BTBD7: variants seen among roughly 807,000 people sequenced by gnomAD.
The protein encoded by BTBD7 is BTB/POZ domain-containing protein 7.
A neutral mutation model predicts 99.9 loss-of-function variants in BTBD7; 38 were observed. The observed-to-expected ratio is 0.38, with a 90% CI of 0.29 to 0.50. The LOEUF (loss-of-function observed/expected upper bound fraction) is 0.50, where lower values mean the gene tolerates loss of function less well. BTBD7 is among the 20% of genes least tolerant of loss of function. BTBD7 has a pLI of 0.93. For missense variants in BTBD7, 1,170 were observed against 1,394.6 expected, an observed-to-expected ratio of 0.84 and a Z score of 2.57; for synonymous variants, 520 against 511.4, an observed-to-expected ratio of 1.02 and a Z score of -0.23.
intron 10 of BTBD7, chr14:93,244,109 A>G (rs1229013897): frequency 1.0e-5 from 5 of 486,842 alleles, no homozygotes; most frequent in African/African-American, 2.0e-5. Flanking sequence ...GATTCTCTGT[A>G]TGCCCAGGGA....
chr14:93,259,363 C>T (rs1430181560), intron 5 of BTBD7, among the ~76,000 whole-genome samples: 1 of 152,170 alleles, frequency 6.6e-6, no homozygotes, highest in Non-Finnish European at 1.5e-5. Context: ...TTCAGTACTA[C>T]ACCTGGGGGC....
chr14:93,248,418 TACTGCCTGTCTGGTG>T, intron 9 of BTBD7, 43 bp downstream of exon 9: 1 of 1,563,506 alleles, frequency 6.4e-7, no homozygotes. Context: ...ATGCCCACAA[TACTGCCTGTCTGGTG>T]ACTGAGGCTC....
At chr14:93,253,101 C>A (rs1431173291) in intron 7 of BTBD7, among the ~76,000 whole-genome samples, 3 of 152,158 alleles carry the variant, frequency 2.0e-5, no homozygotes, top group African/African-American at 7.2e-5. Context: ...TTCATTTTCA[C>A]ATTACCGTAT....
chr14:93,251,948 A>G (rs2052372011), intron 7 of BTBD7, among the ~76,000 whole-genome samples: 1 of 152,222 alleles, frequency 6.6e-6, no homozygotes, highest in South Asian at 2.1e-4. Context: ...ACAATATTAT[A>G]ATAAAACAAT....
Position 93,295,865 on chromosome 14 carries a change from TTATAATA to T in BTBD7, c.82+98_82+104del, listed in dbSNP as rs2052919848. The T allele has an allele frequency of 9.8e-6, 10 of 1,025,192 alleles. No individual in the cohort carries two copies. The Admixed American group carries it at 2.1e-4, about 21-fold the overall frequency. 63.5% of individuals were successfully genotyped at this position (1,025,192 alleles called of 1,614,324 possible). A position where few individuals can be genotyped will look rare whatever the true frequency, so the allele number is the denominator to read the frequency against. On this transcript the variant is annotated intron_variant, in intron 2 of 10. Coordinates refer to ENST00000334746, the MANE Select transcript of BTBD7 (RefSeq NM_001002860.4). Reference sequence around the variant, plus strand: ...AAAAAACCTAGATGCTGCAGAATTATTATAATAACTACAGCTCACTTCTTTTGTCATC... The same window carrying T: ...AAAAAACCTAGATGCTGCAGAATTATACTACAGCTCACTTCTTTTGTCATC...
At chr14:93,251,817 T>G (rs2052370793) in intron 7 of BTBD7, among the ~76,000 whole-genome samples, 165 bp from the exon 8 acceptor site, 1 of 152,240 alleles carries the variant, frequency 6.6e-6, no homozygotes, top group African/African-American at 2.4e-5. Flanking sequence ...TCTTTAACTT[T>G]TAAAGACTCT....
intron 3 of BTBD7, among the ~76,000 whole-genome samples, chr14:93,267,852 T>C (rs1595298660): frequency 6.6e-6 from 1 of 152,250 alleles, no homozygotes; most frequent in Non-Finnish European, 1.5e-5. Flanking sequence ...CCCTGCATTA[T>C]TGAAATGGCT....
intron 4 of BTBD7, among the ~76,000 whole-genome samples, chr14:93,262,688 A>G (rs1272846298): frequency 6.6e-6 from 1 of 152,130 alleles, no homozygotes. Context: ...AAGGTATTCT[A>G]CTGGTTAGTG....
chr14:93,269,727 T>TA (rs2052581277), intron 3 of BTBD7, among the ~76,000 whole-genome samples: 3 of 152,366 alleles, frequency 2.0e-5, no homozygotes, highest in South Asian at 4.1e-4. Flanking sequence ...TGCTTGTTGT[T>TA]AATTTCTGTA....
At chr14:93,257,683 C>T (rs759524860) in intron 5 of BTBD7, among the ~76,000 whole-genome samples, 1 of 152,130 alleles carries the variant, frequency 6.6e-6, no homozygotes, top group Non-Finnish European at 1.5e-5. Flanking sequence ...TTTTAAAAAG[C>T]CTTCTCACTT....
chr14:93,253,627 C>T lies in BTBD7; in HGVS notation c.1752+20G>A, dbSNP rs780432246. Reference sequence around the variant, plus strand: ...GGTTTGTAATAAAGTAGTCTACTATCTTCAAATGGTTTTCATTACCTTTGC... The same window carrying T: ...GGTTTGTAATAAAGTAGTCTACTATTTTCAAATGGTTTTCATTACCTTTGC... On this transcript the variant is annotated intron_variant, in intron 7 of 10. Coordinates refer to ENST00000334746, the MANE Select transcript of BTBD7 (RefSeq NM_001002860.4). The T allele has an allele frequency of 1.7e-5, 27 of 1,606,516 alleles. No homozygotes were observed. Among genetic ancestry groups the T allele is most frequent in the Non-Finnish European group, 2.0e-5 (24 of 1,174,780 alleles).
At chr14:93,323,585 T>C (rs182063295) in intron 1 of BTBD7, among the ~76,000 whole-genome samples, 537 of 152,356 alleles carry the variant, frequency 3.5e-3, no homozygotes, top group Middle Eastern at 6.8e-3. Context: ...AAGCATATTA[T>C]AGAATTTTTC....
At chr14:93,300,257 CTT>C (rs35598735) in intron 1 of BTBD7, among the ~76,000 whole-genome samples, 8 of 119,592 alleles carry the variant, frequency 6.7e-5, no homozygotes, top group African/African-American at 1.1e-4. Flanking sequence ...TTTCTTTGTT[CTT>C]TTTTTTTTTT....
At chr14:93,264,893 G>A in intron 3 of BTBD7, among the ~76,000 whole-genome samples, 1 of 152,156 alleles carries the variant, frequency 6.6e-6, no homozygotes, top group East Asian at 1.9e-4. Context: ...CTAAGGTCAG[G>A]AGTTAAGACC....
At chr14:93,322,719 A>G (rs1406431277) in intron 1 of BTBD7, among the ~76,000 whole-genome samples, 1 of 152,208 alleles carries the variant, frequency 6.6e-6, no homozygotes, top group Non-Finnish European at 1.5e-5. Context: ...TCAAAACAAG[A>G]AGGTTTTTCT....
chr14:93,300,137 G>A (rs1388841961), intron 1 of BTBD7, among the ~76,000 whole-genome samples: 1 of 152,096 alleles, frequency 6.6e-6, no homozygotes, highest in East Asian at 1.9e-4. Flanking sequence ...TAATCTCTAT[G>A]GGCCTCAGTT....
intron 1 of BTBD7, among the ~76,000 whole-genome samples, chr14:93,318,799 A>G (rs1391114956): frequency 6.6e-6 from 1 of 152,224 alleles, no homozygotes; most frequent in African/African-American, 2.4e-5. Flanking sequence ...TGTAAGAGCA[A>G]TGAATTAAAA....
At chr14:93,326,229 G>A (rs563716755) in intron 1 of BTBD7, among the ~76,000 whole-genome samples, 1 of 152,292 alleles carries the variant, frequency 6.6e-6, no homozygotes, top group East Asian at 1.9e-4. Flanking sequence ...CACTTTGGGA[G>A]GCCAAGGTTG....
chr14:93,295,769 C>T (rs1013055117), intron 2 of BTBD7, among the ~76,000 whole-genome samples: 2 of 152,126 alleles, frequency 1.3e-5, no homozygotes, highest in African/African-American at 4.8e-5. Context: ...CATAGAAAAG[C>T]TCAATTGTGC....
Sources: allele counts gnomAD v4.1 joint callset (sites outside exome capture counted in the v4.1 genomes callset), GRCh38; gene constraint gnomAD v4.1.1; transcripts MANE v1.5; gene names NCBI Gene and HGNC (gene_info 2026-07-23, HGNC 2026-07-21).